The following KCND3 variants were observed in gnomAD, a reference collection of about 807,000 sequenced individuals.
The protein encoded by KCND3 is A-type voltage-gated potassium channel KCND3.
KCND3 carries 9 observed loss-of-function variants against 51.1 expected under a neutral mutation model. That is an observed-to-expected ratio of 0.18 (90% CI 0.11 to 0.31). The LOEUF (loss-of-function observed/expected upper bound fraction) is 0.31. Ranked by LOEUF, KCND3 falls within the 10% of genes least tolerant of loss-of-function variation. The pLI, the probability that KCND3 is intolerant of heterozygous loss-of-function variation, is 1.00. For synonymous variants in KCND3, 349 were observed against 368.0 expected, an observed-to-expected ratio of 0.95 and a Z score of 0.59; for missense variants, 526 against 903.8, an observed-to-expected ratio of 0.58 and a Z score of 5.36.
chr1:111,837,914 G>A (rs1335865796), intron 2 of KCND3, among the ~76,000 whole-genome samples: 3 of 152,160 alleles, frequency 2.0e-5, no homozygotes, highest in African/African-American at 7.2e-5. Flanking sequence ...GAATTTGTCT[G>A]ATATTTTTTT....
At chr1:111,777,353 C>G in intron 6 of KCND3, 80 bp from the exon 7 acceptor site, 1 of 1,486,724 alleles carries the variant, frequency 6.7e-7, no homozygotes, top group South Asian at 1.1e-5. Context: ...GTATGGCTGC[C>G]TGTCTCTGTT....
chr1:111,807,214 T>C (rs1367280493), intron 2 of KCND3, among the ~76,000 whole-genome samples: 1 of 152,188 alleles, frequency 6.6e-6, no homozygotes, highest in Admixed American at 6.5e-5. Flanking sequence ...AGAAGTGACA[T>C]ATAGTCATGC....
rs147739517 is a variant in KCND3 at position 111,981,848 on chromosome 1, G to A, written c.879C>T (p.Arg293=). 9.9e-6 allele frequency: 16 copies of A among 1,613,872 alleles called. No homozygotes were observed. Among genetic ancestry groups the A allele is most frequent in the Admixed American group, 1.7e-5 (1 of 59,998 alleles). Residue 293 remains arginine (R), a synonymous_variant, in exon 2 of 8, where the codon CGC becomes CGT. Transcript: ENST00000302127. This position sits in a 1 kb window ranked among gnomAD's most constrained non-coding sequence, Gnocchi z 6.2. ...SGAFVTLRVF[R]VFRIFKFSRH... Reference sequence around the variant, plus strand: ...GGGAAAACTTGAAGATCCTGAAGACGCGGAAGACCCGGAGCGTGACGAAGG... The same window carrying A: ...GGGAAAACTTGAAGATCCTGAAGACACGGAAGACCCGGAGCGTGACGAAGG...
At chr1:111,888,193 C>G (rs575301939) in intron 2 of KCND3, among the ~76,000 whole-genome samples, 98 of 152,302 alleles carry the variant, frequency 6.4e-4, no homozygotes, top group Non-Finnish European at 1.2e-3. Flanking sequence ...GCAGGGGCAG[C>G]AGAGCATTGC....
chr1:111,791,988 G>A (rs748963647), intron 2 of KCND3, among the ~76,000 whole-genome samples: 1 of 152,178 alleles, frequency 6.6e-6, no homozygotes, highest in Non-Finnish European at 1.5e-5. Context: ...AAGGGAGTGG[G>A]TGTCGTACTC....
rs1247370945 is a variant in KCND3 at position 111,773,997 on chromosome 1, T to G, written c.*2080A>C. On this transcript the variant is annotated 3_prime_UTR_variant, in exon 8 of 8. Coordinates refer to ENST00000302127, the MANE Select transcript of KCND3 (RefSeq NM_001378969.1). ...AAAGCTTTTCTGCCTTCTTAGTCTG[T>G]AAGCTCAGAGGGCAAGAACCACTCC... The G allele has an allele frequency of 6.6e-6, 1 of 152,226 alleles. No homozygotes were observed. The highest frequency in any genetic ancestry group is 2.4e-5 in the African/African-American group (1 of 41,442). 9.4% of individuals were successfully genotyped at this position (152,226 alleles called of 1,614,324 possible).
chr1:111,888,681 C>CAAAAAAAAAA (rs34732548), intron 2 of KCND3, among the ~76,000 whole-genome samples: 4 of 103,612 alleles, frequency 3.9e-5, no homozygotes, highest in Non-Finnish European at 5.9e-5. Flanking sequence ...CACTCCATCT[C>CAAAAAAAAAA]AAAAAAAAAA....
In KCND3 at chr1:111,774,413, T is replaced by G. The variant is rs1164612949; in HGVS notation, c.*1664A>C. 6.6e-6 allele frequency: 1 copy of G among 152,242 alleles called. No individual in the cohort carries two copies. Among genetic ancestry groups the G allele is most frequent in the Non-Finnish European group, 1.5e-5 (1 of 68,088 alleles). The allele number at this position is 152,242 out of a possible 1,614,324, so 9.4% of individuals were successfully genotyped here. ...GGAAGGGCAGGAAAGGACTTGTCAC[T>G]AACCCTGAGGCCCACCTACTCTGCT... On this transcript the variant is annotated 3_prime_UTR_variant, in exon 8 of 8. Transcript: ENST00000302127.
At chr1:111,895,996 G>A (rs1670092378) in intron 2 of KCND3, among the ~76,000 whole-genome samples, 1 of 152,236 alleles carries the variant, frequency 6.6e-6, no homozygotes, top group African/African-American at 2.4e-5. Flanking sequence ...CCAGGACTAA[G>A]ATAAAAATAA....
intron 2 of KCND3, among the ~76,000 whole-genome samples, chr1:111,886,059 C>A (rs1036635364): frequency 3.3e-5 from 5 of 152,188 alleles, no homozygotes; most frequent in Non-Finnish European, 7.3e-5. Flanking sequence ...TGGCTGAAAT[C>A]AAATGCAATG....
At chr1:111,967,558 C>T (rs1334141896) in intron 2 of KCND3, among the ~76,000 whole-genome samples, 1 of 152,216 alleles carries the variant, frequency 6.6e-6, no homozygotes, top group African/African-American at 2.4e-5. Flanking sequence ...CAGGCAGGGC[C>T]TCCCAGGCCT....
chr1:111,817,199 A>AG (rs397949207), intron 2 of KCND3, among the ~76,000 whole-genome samples: 59 of 151,718 alleles, frequency 3.9e-4, no homozygotes, highest in African/African-American at 1.4e-3. Flanking sequence ...AAAAAAAAAA[A>AG]TGAAGTGGGG....
chr1:111,865,451 C>T (rs1405235440), intron 2 of KCND3, among the ~76,000 whole-genome samples: 3 of 152,190 alleles, frequency 2.0e-5, no homozygotes, highest in African/African-American at 7.2e-5. Flanking sequence ...AGTGAGCCAG[C>T]ACTCATCACA....
At chr1:111,842,460 G>C (rs1557972074) in intron 2 of KCND3, among the ~76,000 whole-genome samples, 1 of 152,212 alleles carries the variant, frequency 6.6e-6, no homozygotes, top group Admixed American at 6.5e-5. Context: ...TCTGACTGGA[G>C]AGGAAATGCC....
chr1:111,799,159 C>T (rs1665182935), intron 2 of KCND3, among the ~76,000 whole-genome samples: 1 of 152,008 alleles, frequency 6.6e-6, no homozygotes, highest in Non-Finnish European at 1.5e-5. Context: ...GGTAAACATT[C>T]TTAACCTAGG....
intron 2 of KCND3, among the ~76,000 whole-genome samples, chr1:111,817,340 T>C (rs1478002421): frequency 6.6e-6 from 1 of 152,148 alleles, no homozygotes; most frequent in East Asian, 1.9e-4. Flanking sequence ...TACAACTCTT[T>C]GGGAAAGTGA....
chr1:111,982,241 C>G lies in KCND3; in HGVS notation c.486G>C (p.Ser162=). ...DSENNQESMP[S]LSFRQTMWRA... is the part of the protein sequence containing the mutation. ...GCCACATGGTCTGGCGGAAGCTGAG[C>G]GAGGGCATGGACTCCTGGTTGTTCT... Residue 162 remains serine, a synonymous_variant, in exon 2 of 8, where the codon TCG becomes TCC. Transcript: ENST00000302127. This position sits in a 1 kb window ranked among gnomAD's most constrained non-coding sequence, Gnocchi z 8.5. 1.2e-6 allele frequency: 2 copies of G among 1,614,068 alleles called. No homozygotes were observed. Among genetic ancestry groups the G allele is most frequent in the East Asian group, 2.2e-5 (1 of 44,834 alleles).
At chr1:111,890,051 G>T (rs1286525844) in intron 2 of KCND3, among the ~76,000 whole-genome samples, 1 of 152,148 alleles carries the variant, frequency 6.6e-6, no homozygotes, top group Non-Finnish European at 1.5e-5. Context: ...GAGTGGCCAT[G>T]GAAACCAGAA....
chr1:111,978,950 C>A (rs957633043), intron 2 of KCND3, among the ~76,000 whole-genome samples: 10 of 152,168 alleles, frequency 6.6e-5, no homozygotes, highest in Admixed American at 3.9e-4. Flanking sequence ...CCTGACCCAG[C>A]AATGACCTAC....
Sources: allele counts gnomAD v4.1 joint callset (sites outside exome capture counted in the v4.1 genomes callset), GRCh38; gene constraint gnomAD v4.1.1; non-coding constraint Gnocchi (gnomAD v3.1); transcripts MANE v1.5; gene names NCBI Gene and HGNC (gene_info 2026-07-23, HGNC 2026-07-21).